INPP5A: variants seen among roughly 807,000 people sequenced by gnomAD.
INPP5A encodes the protein 43 kDa inositol polyphosphate 5-phophatase.
A neutral mutation model predicts 65.2 loss-of-function variants in INPP5A; 14 were observed. The ratio of observed to expected loss-of-function variants is 0.21; its 90% CI spans 0.14 to 0.34. INPP5A has a LOEUF of 0.34. INPP5A is among the 10% of genes least tolerant of loss of function. The pLI, the probability that INPP5A is intolerant of heterozygous loss-of-function variation, is 1.00. For synonymous variants in INPP5A, 207 were observed against 208.3 expected, an observed-to-expected ratio of 0.99 and a Z score of 0.05; for missense variants, 431 against 545.6, an observed-to-expected ratio of 0.79 and a Z score of 2.09.
At chr10:132,634,527 T>A (rs2072316504) in intron 2 of INPP5A, among the ~76,000 whole-genome samples, 1 of 152,270 alleles carries the variant, frequency 6.6e-6, no homozygotes, top group Admixed American at 6.5e-5. Flanking sequence ...ACCACGGAGC[T>A]TGACTGTGTC....
At chr10:132,606,058 G>A (rs2071844960) in intron 1 of INPP5A, among the ~76,000 whole-genome samples, 1 of 152,162 alleles carries the variant, frequency 6.6e-6, no homozygotes, top group African/African-American at 2.4e-5. Context: ...GGTGCACACA[G>A]TGAACGGTGT....
At chr10:132,581,736 T>C (rs2071486849) in intron 1 of INPP5A, among the ~76,000 whole-genome samples, 2 of 152,168 alleles carry the variant, frequency 1.3e-5, no homozygotes, top group South Asian at 4.1e-4. Flanking sequence ...GAGTTGTTTG[T>C]TTTCGTTAGG....
At chr10:132,700,330 C>CG (rs1189376089) in intron 6 of INPP5A, among the ~76,000 whole-genome samples, 1 of 152,160 alleles carries the variant, frequency 6.6e-6, no homozygotes, top group Non-Finnish European at 1.5e-5. Context: ...GTGGCTGGGA[C>CG]GGGGGGCCAG....
chr10:132,670,645 G>A (rs554284565), intron 4 of INPP5A, among the ~76,000 whole-genome samples: 21 of 151,538 alleles, frequency 1.4e-4, no homozygotes, highest in African/African-American at 4.8e-4. Flanking sequence ...CCCTGCCTGC[G>A]CGCATCCCTG....
At chr10:132,623,113 G>A (rs1186630164) in intron 2 of INPP5A, among the ~76,000 whole-genome samples, 1 of 152,190 alleles carries the variant, frequency 6.6e-6, no homozygotes, top group African/African-American at 2.4e-5. Flanking sequence ...ATCTCAGCAG[G>A]ATTTTTTTTT....
chr10:132,596,940 TGTGC>T (rs1293367879), intron 1 of INPP5A, among the ~76,000 whole-genome samples: 18 of 29,842 alleles, frequency 6.0e-4, no homozygotes, highest in African/African-American at 1.6e-3. Context: ...TGCACGCATG[TGTGC>T]GTGTGTGCAC....
At chr10:132,683,228 G>A (rs552094625) in intron 4 of INPP5A, among the ~76,000 whole-genome samples, 6 of 146,338 alleles carry the variant, frequency 4.1e-5, no homozygotes, top group East Asian at 2.1e-4. Context: ...CGTGTCTGCC[G>A]TGACCCAGCA....
intron 1 of INPP5A, among the ~76,000 whole-genome samples, chr10:132,600,091 C>G (rs1170331220): frequency 1.3e-5 from 2 of 152,222 alleles, no homozygotes; most frequent in African/African-American, 4.8e-5. Flanking sequence ...ACAACAGGCT[C>G]CTTGCTACTT....
intron 2 of INPP5A, among the ~76,000 whole-genome samples, chr10:132,609,771 AATAGCTGGG>A (rs1370002407): frequency 1.3e-5 from 2 of 151,968 alleles, no homozygotes; most frequent in African/African-American, 4.8e-5. Flanking sequence ...CAGCCTCCCA[AATAGCTGGG>A]ATTACAGGCA....
At chr10:132,646,187 C>G (rs544440254) in intron 3 of INPP5A, among the ~76,000 whole-genome samples, 80 of 152,198 alleles carry the variant, frequency 5.3e-4, no homozygotes, top group Non-Finnish European at 1.0e-3. Flanking sequence ...TGACAGCCTG[C>G]TGCCTCCACA....
At chr10:132,645,640 G>A (rs925811033) in intron 2 of INPP5A, among the ~76,000 whole-genome samples, 2 of 152,186 alleles carry the variant, frequency 1.3e-5, no homozygotes, top group African/African-American at 4.8e-5. Context: ...CTTTTCTATG[G>A]AATTTACAGT....
intron 2 of INPP5A, among the ~76,000 whole-genome samples, chr10:132,635,659 T>G (rs948804616): frequency 6.6e-6 from 1 of 151,904 alleles, no homozygotes; most frequent in South Asian, 2.1e-4. Flanking sequence ...CCTCCCAAAG[T>G]GCTGGGATTA....
chr10:132,734,495 C>T (rs1350411491), intron 9 of INPP5A, among the ~76,000 whole-genome samples: 4 of 152,228 alleles, frequency 2.6e-5, no homozygotes, highest in African/African-American at 9.6e-5. Context: ...TCCAGCTGCT[C>T]AGCTGAGCAG....
intron 9 of INPP5A, among the ~76,000 whole-genome samples, chr10:132,743,145 C>T (rs904325096): frequency 2.9e-5 from 4 of 138,068 alleles, no homozygotes; most frequent in African/African-American, 7.8e-5. Context: ...ACCAGTGCTG[C>T]ACTCAGCCCC....
Position 132,616,936 on chromosome 10 carries a change from C to T in INPP5A, c.117+8980C>T, listed in dbSNP as rs1268406111. On this transcript the variant is annotated intron_variant, in intron 2 of 15. Coordinates refer to ENST00000368594, the MANE Select transcript of INPP5A (RefSeq NM_005539.5). The surrounding 1 kb of genome is among the most constrained non-coding windows in gnomAD (Gnocchi z 4.9). ...ATCGTGCTGGCCAGTTGCTTTGCTG[C>T]GCTGGTGGGGAGAGGCCGCCTGAGG... 5.3e-5 allele frequency among the ~76,000 whole-genome samples: 8 copies of T among 152,104 alleles called. 1 individual carries two copies. The South Asian group carries it at 1.7e-3, about 32-fold the overall frequency.
chr10:132,730,750 C>T (rs1283344178), intron 9 of INPP5A, among the ~76,000 whole-genome samples: 3 of 152,188 alleles, frequency 2.0e-5, no homozygotes, highest in African/African-American at 7.2e-5. Context: ...GTCTTGAAGT[C>T]CCAGCCGCGT....
chr10:132,712,077 T>C (rs897127422), intron 8 of INPP5A, among the ~76,000 whole-genome samples: 1 of 152,170 alleles, frequency 6.6e-6, no homozygotes. Context: ...TGGAGCACAT[T>C]TCTACCCAAG....
intron 4 of INPP5A, among the ~76,000 whole-genome samples, chr10:132,668,962 A>G (rs967696545): frequency 6.6e-6 from 1 of 152,126 alleles, no homozygotes; most frequent in Non-Finnish European, 1.5e-5. Flanking sequence ...AGGTTAAGAA[A>G]CAGCCGGTGA....
At chr10:132,552,477 C>G (rs965521588) in intron 1 of INPP5A, among the ~76,000 whole-genome samples, 1 of 137,466 alleles carries the variant, frequency 7.3e-6, no homozygotes, top group Non-Finnish European at 1.6e-5. Context: ...AATGCCTTCT[C>G]AGAGCCTTGG....
Sources: allele counts gnomAD v4.1 joint callset (sites outside exome capture counted in the v4.1 genomes callset), GRCh38; gene constraint gnomAD v4.1.1; non-coding constraint Gnocchi (gnomAD v3.1); transcripts MANE v1.5; gene names NCBI Gene and HGNC (gene_info 2026-07-23, HGNC 2026-07-21).